The following PCDHGA3 variants were observed in gnomAD, a reference collection of about 807,000 sequenced individuals.
PCDHGA3 encodes protocadherin gamma-A3.
Under a neutral mutation model 58.5 loss-of-function variants are expected in PCDHGA3, and 40 were observed. The observed-to-expected ratio is 0.68, with a 90% CI of 0.53 to 0.89. PCDHGA3 has a LOEUF of 0.89. Ranked by LOEUF, PCDHGA3 falls within the 40% of genes least tolerant of loss-of-function variation. The probability of loss-of-function intolerance (pLI) is 0.00; values close to 1 mark genes in which losing one functional copy is unlikely to be tolerated. For synonymous variants in PCDHGA3, 530 were observed against 525.7 expected, an observed-to-expected ratio of 1.01 and a Z score of -0.11; for missense variants, 1,223 against 1,195.9, an observed-to-expected ratio of 1.02 and a Z score of -0.33.
intron 1 of PCDHGA3, chr5:141,361,341 C>G: frequency 6.2e-7 from 1 of 1,613,988 alleles, no homozygotes; most frequent in South Asian, 1.1e-5. Context: ...AGAACTATTA[C>G]AAACTAGTGA....
chr5:141,469,226 A>G (rs998643671), intron 1 of PCDHGA3, among the ~76,000 whole-genome samples: 1 of 152,066 alleles, frequency 6.6e-6, no homozygotes, highest in Non-Finnish European at 1.5e-5. Context: ...TCAGTGAGCC[A>G]TGATCACCCC....
chr5:141,489,066 C>G lies in PCDHGA3; in HGVS notation c.2425-5741C>G. The stretch of plus-strand genomic sequence containing the variant: ...CACTCAAATTCAGCTCCCCTCCCCC[C>G]TGCCCACCCCCGCCACTCGGTGACT... On this transcript the variant is annotated intron_variant, in intron 1 of 3. Transcript: ENST00000253812. This position sits in a 1 kb window ranked among gnomAD's most constrained non-coding sequence, Gnocchi z 4.5. 1 of 391,132 alleles carries G rather than the reference C, an allele frequency of 2.6e-6. No individual in the cohort carries two copies. Among genetic ancestry groups the G allele is most frequent in the South Asian group, 4.2e-5 (1 of 24,028 alleles). 24.2% of individuals were successfully genotyped at this position (391,132 alleles called of 1,614,324 possible).
chr5:141,403,241 G>C, intron 1 of PCDHGA3: 1 of 1,613,956 alleles, frequency 6.2e-7, no homozygotes. Flanking sequence ...GGAGCTCTGT[G>C]CTCAGAGCCC....
intron 1 of PCDHGA3, chr5:141,354,921 A>G: frequency 2.4e-6 from 1 of 414,074 alleles, no homozygotes; most frequent in Non-Finnish European, 4.2e-6. Flanking sequence ...TGTATAAAAA[A>G]TAAACTTTTT....
intron 1 of PCDHGA3, among the ~76,000 whole-genome samples, chr5:141,407,534 A>G (rs72790039): frequency 0.022 from 3,304 of 149,594 alleles, 53 homozygotes; most frequent in South Asian, 0.039. Context: ...CTTATTGTGC[A>G]TTGGTAACAG....
Position 141,491,401 on chromosome 5 carries a change from G to A in PCDHGA3, c.2425-3406G>A. The A allele has an allele frequency of 6.2e-7, 1 of 1,614,100 alleles. No homozygotes were observed. ...GTCAGCGAAGTGCCTTCAGGGAAAC[G>A]CAGACGGGGACGGGGGTGGAGGGCA... On this transcript the variant is annotated intron_variant, in intron 1 of 3. Transcript: ENST00000253812. This position sits in a 1 kb window ranked among gnomAD's most constrained non-coding sequence, Gnocchi z 6.9.
At chr5:141,497,849 T>G (rs1337258582) in intron 2 of PCDHGA3, among the ~76,000 whole-genome samples, 1 of 152,192 alleles carries the variant, frequency 6.6e-6, no homozygotes, top group African/African-American at 2.4e-5. Flanking sequence ...ACAAACATTT[T>G]TGATTCAGCG....
At position 141,346,010 on chromosome 5, in the gene PCDHGA3, G is replaced by C; in HGVS notation, c.1977G>C (p.Thr659=). 2 of 1,613,190 alleles carry C rather than the reference G, an allele frequency of 1.2e-6. No homozygotes were observed. The highest frequency in any genetic ancestry group is 8.5e-7 in the Non-Finnish European group (1 of 1,179,820). The change falls in exon 1 of 4, where the codon ACG becomes ACC. Residue 659 remains threonine, a synonymous_variant. Coordinates refer to ENST00000253812, the MANE Select transcript of PCDHGA3 (RefSeq NM_018916.4). ...AGCCCCCTCTCTCCGCCACTGTCAC[G>C]CTCACCGTGGCCGTGGCCGACAGGA... ...HGQPPLSATV[T]LTVAVADRIP...
At chr5:141,402,474 G>T (rs2094271773) in intron 1 of PCDHGA3, among the ~76,000 whole-genome samples, 1 of 152,122 alleles carries the variant, frequency 6.6e-6, no homozygotes, top group South Asian at 2.1e-4. Flanking sequence ...GAAATAGAGT[G>T]CAAAGTTCTA....
chr5:141,348,715 C>G (rs906991034), intron 1 of PCDHGA3, among the ~76,000 whole-genome samples: 1 of 151,984 alleles, frequency 6.6e-6, no homozygotes, highest in Non-Finnish European at 1.5e-5. Flanking sequence ...TCCACTACAA[C>G]AGAAAGGGAG....
At chr5:141,421,080 C>G in intron 1 of PCDHGA3, 1 of 638,368 alleles carries the variant, frequency 1.6e-6, no homozygotes, top group South Asian at 2.1e-5. Flanking sequence ...GATGGATACT[C>G]ACAGATCCTG....
At position 141,482,865 on chromosome 5, in the gene PCDHGA3, A is replaced by G. The variant is rs557581796; in HGVS notation, c.2425-11942A>G. ...GGTGGGCAGATCACTTGAGGTCAGG[A>G]GTTTGAAACCAGCCTGGCCAACATG... On this transcript the variant is annotated intron_variant, in intron 1 of 3. Coordinates refer to ENST00000253812, the MANE Select transcript of PCDHGA3 (RefSeq NM_018916.4). Among the ~76,000 whole-genome samples, 66 of 152,206 alleles carry G rather than the reference A, an allele frequency of 4.3e-4. 1 individual carries two copies. Among genetic ancestry groups the G allele is most frequent in the African/African-American group, 1.5e-3 (61 of 41,516 alleles).
intron 1 of PCDHGA3, chr5:141,371,218 C>G: frequency 1.2e-6 from 2 of 1,613,994 alleles, no homozygotes; most frequent in Non-Finnish European, 1.7e-6. Flanking sequence ...GGCATCAATG[C>G]CGAAATCATC....
chr5:141,376,293 G>C lies in PCDHGA3; in HGVS notation c.2424+29836G>C, dbSNP rs189836587. 8,405 of 1,614,188 alleles carry C rather than the reference G, an allele frequency of 5.2e-3. 27 individuals carry two copies. Among genetic ancestry groups the C allele is most frequent in the Non-Finnish European group, 6.0e-3 (7,034 of 1,180,042 alleles). On this transcript the variant is annotated intron_variant, in intron 1 of 3. Transcript: ENST00000253812. ...GGAGGTGGCTTAGCGAGCATGCCCG[G>C]CTCGCACTTTGTGGGCGTGGAAGGG...
At position 141,432,963 on chromosome 5, in the gene PCDHGA3, C is replaced by T. The variant is rs1382354299; in HGVS notation, c.2425-61844C>T. 1.5e-5 allele frequency: 24 copies of T among 1,614,046 alleles called. 1 individual carries two copies. In the South Asian group the frequency reaches 2.3e-4, roughly 16 times the overall value. On this transcript the variant is annotated intron_variant, in intron 1 of 3. Transcript: ENST00000253812. The surrounding 1 kb of genome is among the most constrained non-coding windows in gnomAD (Gnocchi z 6.0). ...GCTTCAGGAGGCGGCTTGACAGGAG[C>T]GCCGGCGTCGCACTTTGTGGGCGTG...
Position 141,423,758 on chromosome 5 carries a change from GGGT to G in PCDHGA3, c.2425-71046_2425-71044del, listed in dbSNP as rs776356896. The G allele has an allele frequency of 7.0e-4, 256 of 366,834 alleles. 2 individuals are homozygous for G. The highest frequency in any genetic ancestry group is 6.8e-3 in the African/African-American group (232 of 34,230). The allele number at this position is 366,834 out of a possible 1,614,324, so 22.7% of individuals were successfully genotyped here. A position where few individuals can be genotyped will look rare whatever the true frequency, so the allele number is the denominator to read the frequency against. ...CTGTTATGAAAACTGTTTGGGGGGG[GGGT>G]GGGGCGGCATATATTTAGTTCATAT... On this transcript the variant is annotated intron_variant, in intron 1 of 3. Coordinates refer to ENST00000253812, the MANE Select transcript of PCDHGA3 (RefSeq NM_018916.4).
rs749912760 is a variant in PCDHGA3, at chr5:141,344,107, A to G, written c.74A>G (p.Glu25Gly). 11 of 1,613,998 alleles carry G rather than the reference A, an allele frequency of 6.8e-6. No individual in the cohort carries two copies. In the South Asian group the frequency reaches 1.1e-4, roughly 16 times the overall value. ...LLCALLGTLC[E>G]TGSGQIRYSV... ...TGCGCGCTCCTGGGGACGCTGTGCG[A>G]AACAGGATCCGGTCAGATCCGCTAC... The change falls in exon 1 of 4, where the codon GAA (glutamate) becomes GGA (glycine). Residue 25 changes from glutamate to glycine, a missense_variant. By Grantham distance (98) the Glu-to-Gly change is moderately conservative. Coordinates refer to ENST00000253812, the MANE Select transcript of PCDHGA3 (RefSeq NM_018916.4).
At chr5:141,361,398 C>T (rs770221775) in intron 1 of PCDHGA3, 5 of 1,613,888 alleles carry the variant, frequency 3.1e-6, no homozygotes, top group Non-Finnish European at 4.2e-6. Flanking sequence ...ACAATCTCAC[C>T]ATCACAGCCA....
intron 1 of PCDHGA3, chr5:141,364,858 G>C (rs199575653): frequency 6.2e-7 from 1 of 1,614,006 alleles, no homozygotes; most frequent in African/African-American, 1.3e-5. Context: ...GCTCCAATCT[G>C]CACTTCTCTC....
Sources: gnomAD v4.1 joint callset for allele counts (sites outside exome capture counted in the v4.1 genomes callset) on GRCh38, gnomAD v4.1.1 for gene constraint, Gnocchi (gnomAD v3.1) non-coding constraint, MANE v1.5 for transcripts, NCBI Gene and HGNC (gene_info 2026-07-23, HGNC 2026-07-21) for gene names.